The following TNFAIP6 variants were observed in gnomAD, a reference collection of about 807,000 sequenced individuals.
TNFAIP6 encodes tumor necrosis factor-inducible gene 6 protein.
Under a neutral mutation model 33.7 loss-of-function variants are expected in TNFAIP6, and 36 were observed. The observed-to-expected ratio is 1.07, with a 90% CI of 0.82 to 1.41. The LOEUF (loss-of-function observed/expected upper bound fraction) is 1.41. Among genes scored for constraint, TNFAIP6 ranks in the 40% most tolerant of loss-of-function variants. The pLI is 0.00. For synonymous variants in TNFAIP6, 113 were observed against 112.8 expected (o/e 1.00, Z -0.01); for missense variants, 273 against 331.9 (o/e 0.82, Z 1.38).
intron 5 of TNFAIP6, among the ~76,000 whole-genome samples, chr2:151,376,878 T>TG (rs1219844698): frequency 2.0e-4 from 28 of 142,480 alleles, no homozygotes; most frequent in African/African-American, 6.8e-4. Context: ...TTTTTTTTTT[T>TG]TTTTTTTGTT....
intron 1 of TNFAIP6, among the ~76,000 whole-genome samples, chr2:151,358,837 C>T (rs1010805152): frequency 1.3e-5 from 2 of 151,908 alleles, no homozygotes; most frequent in Admixed American, 6.6e-5. Flanking sequence ...TTGGCCAAGA[C>T]GGGATCTGAA....
rs1361755688 is a variant in TNFAIP6, at chr2:151,365,998, C to CT, written c.233-54dup. Reference sequence around the variant, plus strand: ...GAAGTGGCTATCTTTGCTAAGATGACTTTTGCTTAGCCAAGACAGTTTACC... The same window carrying CT: ...GAAGTGGCTATCTTTGCTAAGATGACTTTTTGCTTAGCCAAGACAGTTTACC... On this transcript the variant is annotated intron_variant, in intron 2 of 5. Transcript: ENST00000243347. The CT allele has an allele frequency of 1.5e-5, 23 of 1,545,214 alleles. No individual in the cohort carries two copies. In the East Asian group the frequency reaches 5.2e-4, roughly 35 times the overall value.
At chr2:151,366,537 A>G (rs757828410) in intron 3 of TNFAIP6, among the ~76,000 whole-genome samples, 2 of 152,226 alleles carry the variant, frequency 1.3e-5, no homozygotes, top group Non-Finnish European at 2.9e-5. Flanking sequence ...GGGACTGAGA[A>G]TTCAGATCTT....
At chr2:151,374,108 G>A (rs923570592) in intron 5 of TNFAIP6, among the ~76,000 whole-genome samples, 5 of 152,144 alleles carry the variant, frequency 3.3e-5, no homozygotes, top group East Asian at 3.9e-4. Context: ...TTTGGAAAAC[G>A]TTGGGTTAAA....
chr2:151,377,860 A>G (rs1473063396), intron 5 of TNFAIP6, among the ~76,000 whole-genome samples: 2 of 152,172 alleles, frequency 1.3e-5, no homozygotes, highest in African/African-American at 4.8e-5. Flanking sequence ...GAATCAGAGC[A>G]TGAACTCGGA....
chr2:151,379,196 A>G (rs1188962473), intron 5 of TNFAIP6, among the ~76,000 whole-genome samples, 168 bp from the exon 6 acceptor site: 1 of 152,202 alleles, frequency 6.6e-6, no homozygotes, highest in African/African-American at 2.4e-5. Flanking sequence ...ACCCTGTTCC[A>G]TGCGGCAATG....
intron 4 of TNFAIP6, among the ~76,000 whole-genome samples, chr2:151,371,686 C>T (rs1240718440): frequency 2.6e-5 from 4 of 151,958 alleles, no homozygotes; most frequent in African/African-American, 9.7e-5. Flanking sequence ...CCTCTGCCTC[C>T]CATGTTCCAG....
chr2:151,367,195 A>G (rs1684727924), intron 3 of TNFAIP6, among the ~76,000 whole-genome samples: 1 of 152,176 alleles, frequency 6.6e-6, no homozygotes, highest in South Asian at 2.1e-4. Flanking sequence ...ATATCTCAAA[A>G]TTATGTGTAG....
intron 4 of TNFAIP6, chr2:151,372,285 T>C (rs1684831655): frequency 6.6e-6 from 1 of 152,238 alleles, no homozygotes; most frequent in African/African-American, 2.4e-5. Context: ...CATCCTATCT[T>C]ATATAAAATA....
Position 151,357,623 on chromosome 2 carries a change from G to C in TNFAIP6, c.-44G>C. On this transcript the variant is annotated 5_prime_UTR_variant, in exon 1 of 6. Coordinates refer to ENST00000243347, the MANE Select transcript of TNFAIP6 (RefSeq NM_007115.4). Reference sequence around the variant, plus strand: ...ATTTCAGCCACTGCTCTGAGAATTTGTGAGCAGCCCCTAACAGGCTGTTAC... The same window carrying C: ...ATTTCAGCCACTGCTCTGAGAATTTCTGAGCAGCCCCTAACAGGCTGTTAC... The C allele has an allele frequency of 8.1e-7, 1 of 1,232,080 alleles. No homozygotes were observed. The highest frequency in any genetic ancestry group is 1.2e-6 in the Non-Finnish European group (1 of 833,798). The allele number at this position is 1,232,080 out of a possible 1,614,324, so 76.3% of individuals were successfully genotyped here.
At chr2:151,368,344 C>G (rs1405422732) in intron 3 of TNFAIP6, 1 of 149,274 alleles carries the variant, frequency 6.7e-6, no homozygotes, top group Non-Finnish European at 1.5e-5. Context: ...TGCTCCCCAG[C>G]CTTTCTATGC....
chr2:151,377,174 TTTTC>T (rs1453709655), intron 5 of TNFAIP6, among the ~76,000 whole-genome samples: 5 of 143,892 alleles, frequency 3.5e-5, no homozygotes, highest in African/African-American at 1.4e-4. Context: ...TTTTCTTTTC[TTTTC>T]TTTTTTTTTG....
intron 3 of TNFAIP6, among the ~76,000 whole-genome samples, chr2:151,366,829 T>G (rs1197479329): frequency 6.6e-6 from 1 of 152,160 alleles, no homozygotes; most frequent in Non-Finnish European, 1.5e-5. Flanking sequence ...TTATACCATA[T>G]ATTTTTATTC....
chr2:151,369,983 C>A, intron 3 of TNFAIP6, 37 bp from the exon 4 acceptor site: 1 of 1,486,096 alleles, frequency 6.7e-7, no homozygotes, highest in Non-Finnish European at 9.3e-7. Context: ...TTTCCTAATG[C>A]TTTGGGGTTT....
intron 1 of TNFAIP6, among the ~76,000 whole-genome samples, chr2:151,362,554 A>G (rs148331950): frequency 4.0e-5 from 5 of 124,378 alleles, no homozygotes; most frequent in African/African-American, 1.3e-4. Context: ...GCAGTGGCGC[A>G]ATCTCGGCTC....
At chr2:151,359,926 A>G (rs1467311600) in intron 1 of TNFAIP6, among the ~76,000 whole-genome samples, 1 of 152,238 alleles carries the variant, frequency 6.6e-6, no homozygotes, top group Non-Finnish European at 1.5e-5. Context: ...ACAAGAAATT[A>G]CAATCATTTT....
In TNFAIP6 at chr2:151,357,665, A is replaced by G; in HGVS notation, c.-2A>G. On this transcript the variant is annotated 5_prime_UTR_variant, in exon 1 of 6. Coordinates refer to ENST00000243347, the MANE Select transcript of TNFAIP6 (RefSeq NM_007115.4). ...GGCTGTTACTTCACTACAACTGACG[A>G]TATGATCATCTTAATTTACTTATTT... The G allele has an allele frequency of 6.3e-7, 1 of 1,597,554 alleles. No homozygotes were observed. Among genetic ancestry groups the G allele is most frequent in the East Asian group, 2.2e-5 (1 of 44,768 alleles).
intron 2 of TNFAIP6, 142 bp downstream of exon 2, chr2:151,364,222 T>G: frequency 9.3e-7 from 1 of 1,079,896 alleles, no homozygotes; most frequent in East Asian, 2.6e-5. Flanking sequence ...CTCTCTGACT[T>G]CTCCTATCCA....
chr2:151,369,456 T>TTTTTTTCTTACTATATTTAC, intron 3 of TNFAIP6, among the ~76,000 whole-genome samples: 1 of 152,034 alleles, frequency 6.6e-6, no homozygotes, highest in Non-Finnish European at 1.5e-5. Flanking sequence ...CACCTAGCCA[T>TTTTTTTCTTACTATATTTAC]TTTTTTCTTA....
Sources: gnomAD v4.1 joint callset for allele counts (sites outside exome capture counted in the v4.1 genomes callset) on GRCh38, gnomAD v4.1.1 for gene constraint, MANE v1.5 for transcripts, NCBI Gene and HGNC (gene_info 2026-07-23, HGNC 2026-07-21) for gene names.